VAPB: variants seen among roughly 807,000 people sequenced by gnomAD.
VAPB encodes the protein vesicle-associated membrane protein-associated protein B/C.
A neutral mutation model predicts 25.6 loss-of-function variants in VAPB; 7 were observed. The ratio of observed to expected loss-of-function variants is 0.27; its 90% CI spans 0.16 to 0.51. The LOEUF is 0.51. Ranked by LOEUF, VAPB falls within the 20% of genes least tolerant of loss-of-function variation. VAPB has a pLI of 0.97. For synonymous variants in VAPB, 112 were observed against 109.2 expected (o/e 1.03, Z -0.16); for missense variants, 266 against 301.3 (o/e 0.88, Z 0.87).
intron 2 of VAPB, among the ~76,000 whole-genome samples, chr20:58,432,808 C>T (rs527556539): frequency 9.2e-5 from 14 of 152,312 alleles, no homozygotes; most frequent in Admixed American, 2.6e-4. Context: ...AAGCCCAGGT[C>T]GGTAAATGTT....
chr20:58,448,645 A>G lies in VAPB; in HGVS notation c.*4410A>G, dbSNP rs1179744889. ...TGGATGAGGCCTTCCTGCCTCAGCT[A>G]CTCTGCCCGTCTGTACATCTTTTGT... On this transcript the variant is annotated 3_prime_UTR_variant, in exon 6 of 6. Transcript: ENST00000475243. 6 of 453,954 alleles carry G rather than the reference A, an allele frequency of 1.3e-5. No individual in the cohort carries two copies. The highest frequency in any genetic ancestry group is 9.3e-5 in the South Asian group (6 of 64,464). 28.1% of individuals were successfully genotyped at this position (453,954 alleles called of 1,614,324 possible).
At chr20:58,429,889 G>T (rs986897366) in intron 2 of VAPB, among the ~76,000 whole-genome samples, 1 of 151,962 alleles carries the variant, frequency 6.6e-6, no homozygotes, top group Admixed American at 6.6e-5. Context: ...AAACTTTTTG[G>T]TCTCAGGACC....
Position 58,444,424 on chromosome 20 carries a change from G to A in VAPB, c.*189G>A, listed in dbSNP as rs749335120. On this transcript the variant is annotated 3_prime_UTR_variant, in exon 6 of 6. Coordinates refer to ENST00000475243, the MANE Select transcript of VAPB (RefSeq NM_004738.5). ...ACAAATATAATGTAACGATCTTTTAGAAAGTTAAAAATGTATAGTAACTGA... is the reference window on the plus strand; with the variant it reads ...ACAAATATAATGTAACGATCTTTTAAAAAGTTAAAAATGTATAGTAACTGA... 5 of 776,156 alleles carry A rather than the reference G, an allele frequency of 6.4e-6. No homozygotes were observed. The South Asian group carries it at 7.3e-5, about 11-fold the overall frequency. 48.1% of individuals were successfully genotyped at this position (776,156 alleles called of 1,614,324 possible).
intron 2 of VAPB, among the ~76,000 whole-genome samples, chr20:58,430,462 C>T (rs964666141): frequency 6.6e-5 from 10 of 152,208 alleles, no homozygotes; most frequent in Non-Finnish European, 1.5e-4. Flanking sequence ...GGTTTTGCCT[C>T]TTGGCCAGGC....
At chr20:58,412,777 T>C (rs907229066) in intron 1 of VAPB, among the ~76,000 whole-genome samples, 3 of 152,174 alleles carry the variant, frequency 2.0e-5, no homozygotes, top group African/African-American at 7.2e-5. Context: ...TTTGTAAAGA[T>C]AGTATTTACA....
At position 58,446,173 on chromosome 20, in the gene VAPB, C is replaced by T; in HGVS notation, c.*1938C>T. On this transcript the variant is annotated 3_prime_UTR_variant, in exon 6 of 6. Coordinates refer to ENST00000475243, the MANE Select transcript of VAPB (RefSeq NM_004738.5). ...GTGTTGAGTGTGCAGACAGGGAGGC[C>T]ACCCCAATAGGAATTCGTCTCCAGG... 2.2e-6 allele frequency: 1 copy of T among 454,082 alleles called. No individual in the cohort carries two copies. 28.1% of individuals were successfully genotyped at this position (454,082 alleles called of 1,614,324 possible).
chr20:58,448,062 A>C lies in VAPB; in HGVS notation c.*3827A>C, dbSNP rs1186308800. ...GGAGAAAGAACCAAACTGAACTATGAAAAGTTACCACTCTGAGGAGACCTC... is the reference window on the plus strand; with the variant it reads ...GGAGAAAGAACCAAACTGAACTATGCAAAGTTACCACTCTGAGGAGACCTC... On this transcript the variant is annotated 3_prime_UTR_variant, in exon 6 of 6. Transcript: ENST00000475243. 3 of 453,888 alleles carry C rather than the reference A, an allele frequency of 6.6e-6. No homozygotes were observed. In the East Asian group the frequency reaches 2.1e-4, roughly 32 times the overall value. The allele number at this position is 453,888 out of a possible 1,614,324, so 28.1% of individuals were successfully genotyped here.
At chr20:58,405,858 A>G (rs573726127) in intron 1 of VAPB, among the ~76,000 whole-genome samples, 12 of 149,938 alleles carry the variant, frequency 8.0e-5, no homozygotes, top group Non-Finnish European at 1.6e-4. Flanking sequence ...AGTTCAAGCA[A>G]TTCTCCTGCC....
chr20:58,434,658 G>A lies in VAPB; in HGVS notation c.268G>A (p.Val90Ile), dbSNP rs1208617952. 6.2e-7 allele frequency: 1 copy of A among 1,601,234 alleles called. No individual in the cohort carries two copies. Among genetic ancestry groups the A allele is most frequent in the Non-Finnish European group, 8.6e-7 (1 of 1,168,744 alleles). The change falls in exon 3 of 6, where the codon GTT becomes ATT. Residue 90 changes from valine (V) to isoleucine (I), a missense_variant. By Grantham distance (29) the Val-to-Ile change is conservative (BLOSUM62 3). Coordinates refer to ENST00000475243, the MANE Select transcript of VAPB (RefSeq NM_004738.5). ...TGAGAAAAGTAAACACAAGTTTATGGTTCAGTCTATGTTTGCTCCAACTGA... is the reference window on the plus strand; with the variant it reads ...TGAGAAAAGTAAACACAAGTTTATGATTCAGTCTATGTTTGCTCCAACTGA... The part of the protein sequence containing the change: ...PNEKSKHKFM[V>I]QSMFAPTDTS...
chr20:58,418,512 C>A, intron 2 of VAPB, 149 bp downstream of exon 2: 1 of 1,027,442 alleles, frequency 9.7e-7, no homozygotes, highest in Non-Finnish European at 1.3e-6. Flanking sequence ...ACCCCACAAC[C>A]CTCCACCCCG....
rs114309773 is a variant in VAPB at position 58,434,794 on chromosome 20, T to C, written c.315+89T>C. ...AATTGTGGGTGCATGCATTTCAAAA[T>C]ATGTCAAAATTATTTAAAAGGGAAT... On this transcript the variant is annotated intron_variant, in intron 3 of 5. Coordinates refer to ENST00000475243, the MANE Select transcript of VAPB (RefSeq NM_004738.5). The C allele has an allele frequency of 1.6e-4, 114 of 724,852 alleles. No homozygotes were observed. The African/African-American group carries it at 1.8e-3, about 12-fold the overall frequency. The allele number at this position is 724,852 out of a possible 1,614,324, so 44.9% of individuals were successfully genotyped here.
chr20:58,444,035 G>A (rs947639987), intron 5 of VAPB, 42 bp from the exon 6 acceptor site: 2 of 1,613,864 alleles, frequency 1.2e-6, no homozygotes, highest in Non-Finnish European at 1.7e-6. Flanking sequence ...TCCCCTTTCT[G>A]GTGCCTTGGC....
intron 1 of VAPB, among the ~76,000 whole-genome samples, chr20:58,404,310 C>G (rs866288984): frequency 1.3e-5 from 2 of 152,168 alleles, no homozygotes; most frequent in African/African-American, 2.4e-5. Flanking sequence ...TCACCCCTCT[C>G]GTACCCCTTC....
intron 5 of VAPB, among the ~76,000 whole-genome samples, chr20:58,441,502 T>G (rs866577742): frequency 6.6e-6 from 1 of 152,026 alleles, no homozygotes; most frequent in Non-Finnish European, 1.5e-5. Context: ...ATTAGTTGGG[T>G]GTGGTGGCAG....
At chr20:58,414,458 A>G (rs955590448) in intron 1 of VAPB, among the ~76,000 whole-genome samples, 5 of 142,024 alleles carry the variant, frequency 3.5e-5, no homozygotes, top group African/African-American at 1.3e-4. Flanking sequence ...GGGTCTCCCC[A>G]CTCCTCAGAC....
rs1483015751 is a variant in VAPB, at chr20:58,448,903, G to A, written c.*4668G>A. ...CCGTCTCGGCAAGGAGATGATGGGA[G>A]CGCTTTATATGGAGGCTTTACATGA... On this transcript the variant is annotated 3_prime_UTR_variant, in exon 6 of 6. Coordinates refer to ENST00000475243, the MANE Select transcript of VAPB (RefSeq NM_004738.5). 1 of 454,106 alleles carries A rather than the reference G, an allele frequency of 2.2e-6. No individual in the cohort carries two copies. Among genetic ancestry groups the A allele is most frequent in the Non-Finnish European group, 4.4e-6 (1 of 226,802 alleles). 28.1% of individuals were successfully genotyped at this position (454,106 alleles called of 1,614,324 possible).
chr20:58,420,433 A>T (rs1245072596), intron 2 of VAPB, among the ~76,000 whole-genome samples: 1 of 152,198 alleles, frequency 6.6e-6, no homozygotes, highest in East Asian at 1.9e-4. Flanking sequence ...TGGCAGATAA[A>T]GTAAGGCACA....
chr20:58,427,734 AGTGATCT>A (rs1413322165), intron 2 of VAPB, among the ~76,000 whole-genome samples: 7 of 152,002 alleles, frequency 4.6e-5, no homozygotes, highest in Admixed American at 2.0e-4. Flanking sequence ...TGCAGGCAGA[AGTGATCT>A]GTGATCTGTT....
chr20:58,392,286 C>T (rs918492434), intron 1 of VAPB, among the ~76,000 whole-genome samples: 15 of 152,168 alleles, frequency 9.9e-5, no homozygotes, highest in African/African-American at 3.6e-4. Context: ...CACTTAACTA[C>T]TTAAGTGGTT....
Sources: allele counts gnomAD v4.1 joint callset (sites outside exome capture counted in the v4.1 genomes callset), GRCh38; gene constraint gnomAD v4.1.1; transcripts MANE v1.5; gene names NCBI Gene and HGNC (gene_info 2026-07-23, HGNC 2026-07-21).